NCAM2: variants seen among roughly 807,000 people sequenced by gnomAD.
NCAM2 encodes the protein neural cell adhesion molecule 2.
NCAM2 carries 30 observed loss-of-function variants against 98.1 expected under a neutral mutation model. The observed-to-expected ratio is 0.31, with a 90% CI of 0.23 to 0.41. The LOEUF is 0.41. Ranked by LOEUF, NCAM2 falls within the 10% of genes least tolerant of loss-of-function variation. The probability of loss-of-function intolerance (pLI) is 1.00; values close to 1 mark genes in which losing one functional copy is unlikely to be tolerated. For synonymous variants in NCAM2, 368 were observed against 342.4 expected (o/e 1.07, Z -0.83); for missense variants, 867 against 1,005.8 (o/e 0.86, Z 1.87).
intron 1 of NCAM2, among the ~76,000 whole-genome samples, chr21:21,189,087 T>C (rs1368244166): frequency 1.3e-5 from 2 of 152,220 alleles, no homozygotes; most frequent in African/African-American, 4.8e-5. Flanking sequence ...TTAGCATTTA[T>C]CTAGACTCAC....
At chr21:21,117,520 TTA>T (rs1363348806) in intron 1 of NCAM2, among the ~76,000 whole-genome samples, 1 of 152,172 alleles carries the variant, frequency 6.6e-6, no homozygotes, top group African/African-American at 2.4e-5. Flanking sequence ...GTGAATATAT[TTA>T]TGTTTCATAT....
At chr21:21,425,379 C>T (rs1259629891) in intron 11 of NCAM2, among the ~76,000 whole-genome samples, 1 of 152,000 alleles carries the variant, frequency 6.6e-6, no homozygotes, top group Admixed American at 6.6e-5. Context: ...CTCATAATAG[C>T]TCTAAATTGA....
At chr21:21,519,074 T>A (rs1988869785) in intron 16 of NCAM2, among the ~76,000 whole-genome samples, 1 of 152,056 alleles carries the variant, frequency 6.6e-6, no homozygotes, top group Non-Finnish European at 1.5e-5. Flanking sequence ...ATGAGCTTGC[T>A]ATGTTCAAAG....
chr21:21,171,517 C>T lies in NCAM2; in HGVS notation c.56-109061C>T, dbSNP rs183588873. On this transcript the variant is annotated intron_variant, in intron 1 of 17. Transcript: ENST00000400546. The stretch of plus-strand genomic sequence containing the variant: ...GTTGAAGTCAGGTGTCAAATGGTCT[C>T]GCCTCTGGAGTGTACCTTGTAGCAA... Among the ~76,000 whole-genome samples, 4 of 152,218 alleles carry T rather than the reference C, an allele frequency of 2.6e-5. No homozygotes were observed. In the East Asian group the frequency reaches 7.7e-4, roughly 29 times the overall value.
At position 21,404,707 on chromosome 21, in the gene NCAM2, T is replaced by A. The variant is rs186571165; in HGVS notation, c.1196-5567T>A. Among the ~76,000 whole-genome samples the A allele has an allele frequency of 4.6e-5, 7 of 151,948 alleles. No individual in the cohort carries two copies. In the East Asian group the frequency reaches 1.4e-3, roughly 29 times the overall value. ...TGTCAGTATATCTATATATACACAA[T>A]ATATGCCATTAAATGTATATTTGTA... On this transcript the variant is annotated intron_variant, in intron 9 of 17. Transcript: ENST00000400546.
intron 8 of NCAM2, among the ~76,000 whole-genome samples, chr21:21,349,948 A>G: frequency 6.6e-6 from 1 of 152,144 alleles, no homozygotes; most frequent in East Asian, 1.9e-4. Context: ...GGGGCGTGGT[A>G]AGGATGGTTA....
chr21:21,463,855 A>T (rs949535792), intron 12 of NCAM2: 2 of 150,936 alleles, frequency 1.3e-5, no homozygotes, highest in Non-Finnish European at 3.0e-5. Flanking sequence ...TCTGCACTTG[A>T]TTTTTTTTTG....
At position 21,313,698 on chromosome 21, in the gene NCAM2, T is replaced by A. The variant is rs184642167; in HGVS notation, c.620-10685T>A. On this transcript the variant is annotated intron_variant, in intron 5 of 17. Transcript: ENST00000400546. ...TTAAGCCATTTACACTTCATTCAGATTTACACATCATTCATTTAAAATGTT... is the reference window on the plus strand; with the variant it reads ...TTAAGCCATTTACACTTCATTCAGAATTACACATCATTCATTTAAAATGTT... Among the ~76,000 whole-genome samples, 3 of 152,144 alleles carry A rather than the reference T, an allele frequency of 2.0e-5. No individual in the cohort carries two copies. In the East Asian group the frequency reaches 5.8e-4, roughly 29 times the overall value.
chr21:21,296,433 A>C (rs566774143), intron 5 of NCAM2, among the ~76,000 whole-genome samples: 31 of 84,720 alleles, frequency 3.7e-4, no homozygotes, highest in African/African-American at 1.1e-3. Context: ...TTGTGAAAAA[A>C]TCCAAGCACC....
chr21:21,251,744 G>GTTT (rs3037910), intron 1 of NCAM2, among the ~76,000 whole-genome samples: 54,501 of 143,358 alleles, frequency 0.38, 11,096 homozygotes, highest in East Asian at 0.54. Context: ...ACTTTTTGAT[G>GTTT]TTTTTTTTTT....
chr21:21,474,093 C>A (rs757564699), intron 14 of NCAM2, among the ~76,000 whole-genome samples: 1 of 151,792 alleles, frequency 6.6e-6, no homozygotes, highest in Non-Finnish European at 1.5e-5. Context: ...GGCATTTCAA[C>A]CTTTGTAAAT....
chr21:21,191,885 G>A (rs1681003301), intron 1 of NCAM2, among the ~76,000 whole-genome samples: 1 of 152,094 alleles, frequency 6.6e-6, no homozygotes, highest in African/African-American at 2.4e-5. Context: ...GAGAAGAAGG[G>A]TTAGATCACC....
chr21:21,020,161 G>A (rs1418734918), intron 1 of NCAM2, among the ~76,000 whole-genome samples: 5 of 151,934 alleles, frequency 3.3e-5, no homozygotes, highest in Admixed American at 6.6e-5. Flanking sequence ...TCAGCCTCCC[G>A]AGTTGCCTGG....
chr21:21,184,432 A>G (rs369079035), intron 1 of NCAM2, among the ~76,000 whole-genome samples: 14 of 152,238 alleles, frequency 9.2e-5, no homozygotes, highest in South Asian at 2.1e-4. Context: ...GCATCATACA[A>G]TGGTTCTCAG....
intron 1 of NCAM2, among the ~76,000 whole-genome samples, chr21:21,202,673 C>G (rs549552902): frequency 6.6e-6 from 1 of 152,064 alleles, no homozygotes; most frequent in African/African-American, 2.4e-5. Context: ...ACCGCAGCCT[C>G]CCAAAGTGCT....
chr21:21,457,135 G>A (rs1982263573), intron 12 of NCAM2, among the ~76,000 whole-genome samples: 2 of 152,104 alleles, frequency 1.3e-5, no homozygotes, highest in African/African-American at 4.8e-5. Flanking sequence ...GAAAGTGTTG[G>A]CATTGCCTCA....
intron 1 of NCAM2, among the ~76,000 whole-genome samples, chr21:21,181,398 A>G (rs577014776): frequency 1.4e-4 from 21 of 152,312 alleles, no homozygotes; most frequent in Non-Finnish European, 2.5e-4. Flanking sequence ...TATGAGAATG[A>G]AATAAGTAAT....
intron 8 of NCAM2, among the ~76,000 whole-genome samples, chr21:21,367,933 T>C (rs1027885923): frequency 1.3e-5 from 2 of 151,964 alleles, no homozygotes; most frequent in African/African-American, 4.8e-5. Context: ...TGTGCAATAA[T>C]ATAAATACTC....
chr21:21,234,521 T>G (rs2147201964), intron 1 of NCAM2, among the ~76,000 whole-genome samples: 1 of 152,100 alleles, frequency 6.6e-6, no homozygotes, highest in African/African-American at 2.4e-5. Flanking sequence ...AAGAGAGTGT[T>G]GAAGTATCGA....
Sources: allele counts gnomAD v4.1 joint callset (sites outside exome capture counted in the v4.1 genomes callset), GRCh38; gene constraint gnomAD v4.1.1; transcripts MANE v1.5; gene names NCBI Gene and HGNC (gene_info 2026-07-23, HGNC 2026-07-21).